The following MAPK6 variants were observed in gnomAD, a reference collection of about 807,000 sequenced individuals.
The protein encoded by MAPK6 is mitogen-activated protein kinase 6.
A neutral mutation model predicts 59.3 loss-of-function variants in MAPK6; 19 were observed. The observed-to-expected ratio is 0.32, with a 90% CI of 0.22 to 0.47. The LOEUF is 0.47. Among genes scored for constraint, MAPK6 ranks in the 20% least tolerant of loss-of-function variants. The probability of loss-of-function intolerance (pLI) is 1.00; values close to 1 mark genes in which losing one functional copy is unlikely to be tolerated. For missense variants in MAPK6, 724 were observed against 847.9 expected (o/e 0.85, Z 1.81); for synonymous variants, 316 against 290.3 (o/e 1.09, Z -0.90).
intron 2 of MAPK6, among the ~76,000 whole-genome samples, chr15:51,987,861 G>T (rs986878133): frequency 2.0e-5 from 3 of 151,278 alleles, no homozygotes; most frequent in Middle Eastern, 3.4e-3. Flanking sequence ...CTCCTCCCGG[G>T]TTCAAGTGAT....
chr15:52,035,531 G>A (rs1266201579), intron 1 of MAPK6: 1 of 152,184 alleles, frequency 6.6e-6, no homozygotes, highest in Non-Finnish European at 1.5e-5. Context: ...GGCTGAGGCA[G>A]AAGAATCGCT....
intron 2 of MAPK6, among the ~76,000 whole-genome samples, chr15:51,992,305 A>ATATAT (rs572519819): frequency 2.0e-3 from 206 of 101,436 alleles, no homozygotes; most frequent in African/African-American, 6.8e-3. Context: ...ATATATATAT[A>ATATAT]TTTTTTTTTT....
In MAPK6 at chr15:52,064,689, G is replaced by A; in HGVS notation, c.1855G>A (p.Val619Ile). 6.2e-7 allele frequency: 1 copy of A among 1,611,932 alleles called. No homozygotes were observed. Among genetic ancestry groups the A allele is most frequent in the Non-Finnish European group, 8.5e-7 (1 of 1,179,796 alleles). The change falls in exon 6 of 6, where the codon GTT (valine) becomes ATT (isoleucine). Residue 619 changes from valine to isoleucine, a missense_variant. Transcript: ENST00000261845. ...TTGTGAGGTAAGGAAGGATGAACAA[G>A]TTGAGAAGGAAAACACTTACACTAG... ...QFCEVRKDEQ[V>I]EKENTYTSYL...
chr15:51,993,056 G>C (rs112448366), intron 2 of MAPK6, among the ~76,000 whole-genome samples: 8 of 151,990 alleles, frequency 5.3e-5, no homozygotes, highest in Non-Finnish European at 1.0e-4. Flanking sequence ...TATGGTTGGT[G>C]GGGGGGTAAA....
In MAPK6 at chr15:52,067,198, T is replaced by C. The variant is rs1408215351; in HGVS notation, c.*2198T>C. The C allele has an allele frequency of 2.0e-5, 3 of 151,096 alleles. No individual in the cohort carries two copies. The highest frequency in any genetic ancestry group is 3.9e-4 in the East Asian group (2 of 5,134). 9.4% of individuals were successfully genotyped at this position (151,096 alleles called of 1,614,324 possible). On this transcript the variant is annotated 3_prime_UTR_variant, in exon 6 of 6. Transcript: ENST00000261845. ...TCGTTAAACTGTCACCTTGGCAGTT[T>C]AGTGGCCATCTACACAATGATCTGA...
Position 52,064,413 on chromosome 15 carries a change from T to TTTGA in MAPK6, c.1582_1585dup (p.Ser529Ter). On this transcript the variant is annotated frameshift_variant, in exon 6 of 6. Coordinates refer to ENST00000261845, the MANE Select transcript of MAPK6 (RefSeq NM_002748.4). LOFTEE classifies it high-confidence loss of function. ...AAGGGAAAAGAATCAGGGATTTGATTTTGATTCCTTTATTGCAGGAACTAT... is the reference window on the plus strand; with the variant it reads ...AAGGGAAAAGAATCAGGGATTTGATTTTGATTGATTCCTTTATTGCAGGAACTAT... 7 of 1,611,878 alleles carry TTTGA rather than the reference T, an allele frequency of 4.3e-6. No homozygotes were observed. Among genetic ancestry groups the TTTGA allele is most frequent in the Non-Finnish European group, 5.9e-6 (7 of 1,179,800 alleles).
intron 1 of MAPK6, among the ~76,000 whole-genome samples, chr15:52,026,488 A>G (rs1265628956): frequency 1.3e-5 from 2 of 151,854 alleles, no homozygotes; most frequent in Non-Finnish European, 2.9e-5. Flanking sequence ...ATGGGGTTTC[A>G]ACCATGTTGG....
At chr15:52,058,211 C>A (rs1336336786) in intron 3 of MAPK6, among the ~76,000 whole-genome samples, 2 of 152,152 alleles carry the variant, frequency 1.3e-5, no homozygotes, top group Non-Finnish European at 2.9e-5. Context: ...TATAAAACTT[C>A]CTGTTTTACA....
At position 52,066,164 on chromosome 15, in the gene MAPK6, CTT is replaced by C. The variant is rs1356774907; in HGVS notation, c.*1165_*1166del. 1 of 152,560 alleles carries C rather than the reference CTT, an allele frequency of 6.6e-6. No homozygotes were observed. The highest frequency in any genetic ancestry group is 1.5e-5 in the Non-Finnish European group (1 of 68,040). The allele number at this position is 152,560 out of a possible 1,614,324, so 9.5% of individuals were successfully genotyped here. A position where few individuals can be genotyped will look rare whatever the true frequency, so the allele number is the denominator to read the frequency against. The stretch of plus-strand genomic sequence containing the variant: ...AACGTAGCATGTGGCATCGCAGTCT[CTT>C]AGAATTTGTTTCATCTATTTTATTT... On this transcript the variant is annotated 3_prime_UTR_variant, in exon 6 of 6. Coordinates refer to ENST00000261845, the MANE Select transcript of MAPK6 (RefSeq NM_002748.4).
Position 52,064,760 on chromosome 15 carries a change from A to C in MAPK6, c.1926A>C (p.Leu642=), listed in dbSNP as rs559991113. The stretch of plus-strand genomic sequence containing the variant: ...GCAGGAAAGAAGATACTGAAATGCT[A>C]GAAACTGAGCCAGTAGAGGATGGGA... ...FFSRKEDTEM[L]ETEPVEDGKL... The change falls in exon 6 of 6, where the codon CTA becomes CTC. Residue 642 remains leucine, a synonymous_variant. Coordinates refer to ENST00000261845, the MANE Select transcript of MAPK6 (RefSeq NM_002748.4). The C allele has an allele frequency of 2.2e-5, 36 of 1,611,888 alleles. 1 individual carries two copies. The East Asian group carries it at 6.2e-4, about 28-fold the overall frequency.
intron 1 of MAPK6, among the ~76,000 whole-genome samples, chr15:52,045,101 G>A (rs2031558040): frequency 6.6e-6 from 1 of 151,824 alleles, no homozygotes; most frequent in African/African-American, 2.4e-5. Flanking sequence ...AAGAAAAATG[G>A]CCGGGTCATA....
At chr15:52,038,455 A>T (rs1408045191) in intron 1 of MAPK6, among the ~76,000 whole-genome samples, 1 of 152,158 alleles carries the variant, frequency 6.6e-6, no homozygotes, top group Non-Finnish European at 1.5e-5. Context: ...TGCCAGTGAG[A>T]TAGTCTTACT....
chr15:51,989,549 A>G (rs2057201677), intron 2 of MAPK6, among the ~76,000 whole-genome samples: 1 of 152,052 alleles, frequency 6.6e-6, no homozygotes, highest in African/African-American at 2.4e-5. Context: ...TTCTTCACTC[A>G]GTTCTTTCTA....
upstream of MAPK6, among the ~76,000 whole-genome samples, chr15:52,016,062 GCGCGCGCGCA>G (rs1216894982): frequency 2.5e-4 from 15 of 59,154 alleles, no homozygotes; most frequent in African/African-American, 8.5e-4. Context: ...TCGCGCGCGC[GCGCGCGCGCA>G]CACACACACA....
intron 2 of MAPK6, among the ~76,000 whole-genome samples, chr15:51,995,505 G>A (rs990740489): frequency 6.6e-6 from 1 of 152,162 alleles, no homozygotes; most frequent in Non-Finnish European, 1.5e-5. Context: ...CTTCATATAC[G>A]TTTGAGTAGT....
intron 1 of MAPK6, among the ~76,000 whole-genome samples, chr15:52,019,716 C>G (rs917120563): frequency 3.8e-4 from 57 of 150,696 alleles, no homozygotes; most frequent in Non-Finnish European, 7.4e-4. Context: ...AGGCCGCGCC[C>G]GCTCCCTGGC....
intron 3 of MAPK6, among the ~76,000 whole-genome samples, chr15:52,058,430 G>A (rs1007925965): frequency 2.6e-5 from 4 of 151,972 alleles, no homozygotes; most frequent in African/African-American, 9.7e-5. Flanking sequence ...TGGAAACAAA[G>A]CAGCAAAAAC....
chr15:51,971,837 A>T (rs2057127580), exon 1 of MAPK6: 9 of 1,383,326 alleles, frequency 6.5e-6, no homozygotes, highest in Non-Finnish European at 9.2e-6. Flanking sequence ...TGTCGCAAAG[A>T]TTCGCCGAAG....
chr15:52,016,621 GTTTAACAACTA>G (rs1415906615), upstream of MAPK6, among the ~76,000 whole-genome samples: 1 of 152,094 alleles, frequency 6.6e-6, no homozygotes, highest in Non-Finnish European at 1.5e-5. Context: ...GTTCTACTGA[GTTTAACAACTA>G]TTTATCCCTT....
Sources: allele counts gnomAD v4.1 joint callset (sites outside exome capture counted in the v4.1 genomes callset), GRCh38; gene constraint gnomAD v4.1.1; transcripts MANE v1.5; gene names NCBI Gene and HGNC (gene_info 2026-07-23, HGNC 2026-07-21).